MROH7: variants seen among roughly 807,000 people sequenced by gnomAD.
MROH7 encodes maestro heat-like repeat-containing protein family member 7.
A neutral mutation model predicts 129.2 loss-of-function variants in MROH7; 113 were observed. The observed-to-expected ratio is 0.87, with a 90% CI of 0.75 to 1.02. The LOEUF (loss-of-function observed/expected upper bound fraction) is 1.02, where lower values mean the gene tolerates loss of function less well. Among genes scored for constraint, MROH7 ranks in the 50% least tolerant of loss-of-function variants. The pLI, the probability that MROH7 is intolerant of heterozygous loss-of-function variation, is 0.00. For missense variants in MROH7, 1,601 were observed against 1,671.3 expected (o/e 0.96, Z 0.73); for synonymous variants, 655 against 667.9 (o/e 0.98, Z 0.30).
At position 54,695,574 on chromosome 1, in the gene MROH7, G is replaced by A. The variant is rs778223634; in HGVS notation, c.2964+84G>A. On this transcript the variant is annotated intron_variant, in intron 17 of 23. Coordinates refer to ENST00000421030, the MANE Select transcript of MROH7 (RefSeq NM_001039464.4). ...ACTGGTCATTTCTCCTATGTAAACA[G>A]TACTTTATAGTTTACAAAGCCTTCC... is the stretch of plus-strand genomic sequence containing the variant. 1.7e-5 allele frequency: 14 copies of A among 842,958 alleles called. No individual in the cohort carries two copies. The African/African-American group carries it at 2.0e-4, about 12-fold the overall frequency. The allele number at this position is 842,958 out of a possible 1,614,324, so 52.2% of individuals were successfully genotyped here. A position where few individuals can be genotyped will look rare whatever the true frequency, so the allele number is the denominator to read the frequency against.
intron 17 of MROH7, chr1:54,699,228 TTCTTC>T (rs1645392266): frequency 6.7e-6 from 1 of 149,298 alleles, no homozygotes; most frequent in Admixed American, 6.7e-5. Flanking sequence ...TCTTTCTCCT[TTCTTC>T]CTTCTTTCCC....
chr1:54,671,597 G>A (rs934910588), intron 7 of MROH7, among the ~76,000 whole-genome samples: 1 of 152,172 alleles, frequency 6.6e-6, no homozygotes, highest in Non-Finnish European at 1.5e-5. Flanking sequence ...GGGCTCATGC[G>A]AGCATCTTCA....
Position 54,665,164 on chromosome 1 carries a change from C to T in MROH7, c.1232-3C>T, listed in dbSNP as rs1256882702. ...ACCTTCTCATTGAAATCGTGCCCTGCAGGAGCCTTTGATGAAGTGACCTCA... is the reference window on the plus strand; with the variant it reads ...ACCTTCTCATTGAAATCGTGCCCTGTAGGAGCCTTTGATGAAGTGACCTCA... On this transcript the variant is annotated splice_polypyrimidine_tract_variant and splice_region_variant and intron_variant, in intron 3 of 23. Coordinates refer to ENST00000421030, the MANE Select transcript of MROH7 (RefSeq NM_001039464.4). The T allele has an allele frequency of 1.9e-6, 3 of 1,613,256 alleles. No homozygotes were observed. Among genetic ancestry groups the T allele is most frequent in the Non-Finnish European group, 1.7e-6 (2 of 1,179,342 alleles).
intron 21 of MROH7, 107 bp from the exon 22 acceptor site, chr1:54,706,328 A>T: frequency 2.6e-6 from 2 of 771,334 alleles, no homozygotes; most frequent in Middle Eastern, 2.4e-4. Flanking sequence ...GAGCAGATAT[A>T]TTTGGGAGGC....
chr1:54,674,096 C>CT lies in MROH7; in HGVS notation c.1882dup (p.Cys628LeufsTer2). Reference sequence around the variant, plus strand: ...TTGGGGATCCTGATGAGGAGATTGGCTGTGAGGCTCTGGACGGCATCATCA... The same window carrying CT: ...TTGGGGATCCTGATGAGGAGATTGGCTTGTGAGGCTCTGGACGGCATCATCA... On this transcript the variant is annotated frameshift_variant, in exon 10 of 24. Coordinates refer to ENST00000421030, the MANE Select transcript of MROH7 (RefSeq NM_001039464.4). LOFTEE classifies it high-confidence loss of function. 6.2e-7 allele frequency: 1 copy of CT among 1,613,978 alleles called. No individual in the cohort carries two copies. The highest frequency in any genetic ancestry group is 8.5e-7 in the Non-Finnish European group (1 of 1,179,898).
At chr1:54,670,014 A>C (rs1204669553) in intron 5 of MROH7, among the ~76,000 whole-genome samples, 6 of 151,780 alleles carry the variant, frequency 4.0e-5, no homozygotes, top group East Asian at 1.9e-4. Flanking sequence ...AAAAAAAAAA[A>C]AAAAAAAAAT....
In MROH7 at chr1:54,701,323, G is replaced by T. The variant is rs545400465; in HGVS notation, c.3285+1G>T. The T allele has an allele frequency of 3.8e-6, 6 of 1,585,222 alleles. No individual in the cohort carries two copies. The South Asian group carries it at 6.9e-5, about 18-fold the overall frequency. On this transcript the variant is annotated splice_donor_variant, in intron 19 of 23. Coordinates refer to ENST00000421030, the MANE Select transcript of MROH7 (RefSeq NM_001039464.4). LOFTEE classifies it high-confidence loss of function. ...GATCCTGCTGCCGCACTTCAGCGAC[G>T]TGAGGACCTCACAGAGCGAAGGAGC...
chr1:54,697,525 G>C (rs1645342802), intron 17 of MROH7: 2 of 588,922 alleles, frequency 3.4e-6, no homozygotes, highest in Admixed American at 4.8e-5. Flanking sequence ...GCTCCATCCA[G>C]TTCTAACTCC....
intron 16 of MROH7, 38 bp from the exon 17 acceptor site, chr1:54,695,338 G>A (rs1300495355): frequency 8.1e-7 from 1 of 1,241,470 alleles, no homozygotes; most frequent in Non-Finnish European, 1.2e-6. Flanking sequence ...CCCTGGGGCT[G>A]GATACCTGAG....
At chr1:54,695,182 A>G (rs563043387) in intron 16 of MROH7, among the ~76,000 whole-genome samples, 194 bp from the exon 17 acceptor site, 1 of 152,278 alleles carries the variant, frequency 6.6e-6, no homozygotes, top group African/African-American at 2.4e-5. Flanking sequence ...TCTGGGCTTC[A>G]GTTTCTTCAT....
chr1:54,684,743 G>A (rs1178534366), intron 14 of MROH7, among the ~76,000 whole-genome samples: 3 of 152,178 alleles, frequency 2.0e-5, no homozygotes, highest in Non-Finnish European at 2.9e-5. Context: ...CTATATAACC[G>A]TGGTCAATCA....
chr1:54,689,554 A>G (rs1392656625), intron 15 of MROH7, among the ~76,000 whole-genome samples: 2 of 152,234 alleles, frequency 1.3e-5, no homozygotes, highest in African/African-American at 4.8e-5. Flanking sequence ...AGGCGGTCAC[A>G]TCCTCCTGAG....
chr1:54,687,090 T>C (rs1322127983), intron 15 of MROH7, among the ~76,000 whole-genome samples: 3 of 140,782 alleles, frequency 2.1e-5, no homozygotes, highest in African/African-American at 8.0e-5. Flanking sequence ...ATTTATTTAT[T>C]TGAGATGGAG....
chr1:54,656,733 C>T (rs952423977), intron 3 of MROH7, among the ~76,000 whole-genome samples: 4 of 151,940 alleles, frequency 2.6e-5, no homozygotes, highest in Middle Eastern at 3.2e-3. Flanking sequence ...CCTACTTAAA[C>T]CTGGGAGGCA....
At chr1:54,704,995 C>T (rs985580646) in intron 21 of MROH7, among the ~76,000 whole-genome samples, 2 of 151,728 alleles carry the variant, frequency 1.3e-5, no homozygotes, top group Admixed American at 1.3e-4. Context: ...GACGGAGTTT[C>T]TCCATGTTGG....
At position 54,697,382 on chromosome 1, in the gene MROH7, G is replaced by C. The variant is rs910009378; in HGVS notation, c.2964+1892G>C. 204 of 368,706 alleles carry C rather than the reference G, an allele frequency of 5.5e-4. 1 individual carries two copies. The highest frequency in any genetic ancestry group is 6.6e-4 in the Middle Eastern group (1 of 1,526). The allele number at this position is 368,706 out of a possible 1,614,324, so 22.8% of individuals were successfully genotyped here. On this transcript the variant is annotated intron_variant, in intron 17 of 23. Transcript: ENST00000421030. ...ATTGCACCCCCAGGTCCAGCTTTAGGAGGGCCCCAAGAAGTGGGGATGGGA... is the reference window on the plus strand; with the variant it reads ...ATTGCACCCCCAGGTCCAGCTTTAGCAGGGCCCCAAGAAGTGGGGATGGGA...
chr1:54,683,588 A>C (rs1426476927), intron 14 of MROH7, among the ~76,000 whole-genome samples: 1 of 152,104 alleles, frequency 6.6e-6, no homozygotes, highest in East Asian at 1.9e-4. Flanking sequence ...AGCACCCTTG[A>C]TGGTTTTGCA....
Position 54,703,625 on chromosome 1 carries a change from C to T in MROH7, c.3564+880C>T, listed in dbSNP as rs370975379. Among the ~76,000 whole-genome samples the T allele has an allele frequency of 2.0e-4, 30 of 152,106 alleles. No homozygotes were observed. Among genetic ancestry groups the T allele is most frequent in the East Asian group, 1.9e-4 (1 of 5,172 alleles). On this transcript the variant is annotated intron_variant, in intron 21 of 23. Transcript: ENST00000421030. This position sits in a 1 kb window ranked among gnomAD's most constrained non-coding sequence, Gnocchi z 4.4. The stretch of plus-strand genomic sequence containing the variant: ...TGAACATCATGAGGTAGGAGCAAGC[C>T]GCGTGCATGTGCGCGCGCGCATACA...
chr1:54,687,726 G>A (rs1645171041), intron 15 of MROH7, among the ~76,000 whole-genome samples: 1 of 151,812 alleles, frequency 6.6e-6, no homozygotes, highest in Non-Finnish European at 1.5e-5. Context: ...CAGTGTATGA[G>A]TATCTATTTC....
Sources: gnomAD v4.1 joint callset for allele counts (sites outside exome capture counted in the v4.1 genomes callset) on GRCh38, gnomAD v4.1.1 for gene constraint, Gnocchi (gnomAD v3.1) non-coding constraint, MANE v1.5 for transcripts, NCBI Gene and HGNC (gene_info 2026-07-23, HGNC 2026-07-21) for gene names.